PKD1: variants seen among roughly 807,000 people sequenced by gnomAD.
PKD1 encodes polycystin 1, transient receptor potential channel interacting.
A neutral mutation model predicts 361.7 loss-of-function variants in PKD1; 81 were observed. The ratio of observed to expected loss-of-function variants is 0.22; its 90% CI spans 0.19 to 0.27. The LOEUF (loss-of-function observed/expected upper bound fraction) is 0.27, where lower values mean the gene tolerates loss of function less well. Ranked by LOEUF, PKD1 falls within the 10% of genes least tolerant of loss-of-function variation. The pLI is 1.00. For synonymous variants in PKD1, 3,615 were observed against 2,818.3 expected (o/e 1.28, Z -8.95); for missense variants, 6,399 against 6,118.3 (o/e 1.05, Z -1.53).
rs2092940602 is a variant in PKD1 at position 2,135,545 on chromosome 16, C to T, written c.145G>A (p.Val49Ile). Reference protein sequence around the residue: ...CGPAPGAACRVNCSGRGLRTL... With the variant: ...CGPAPGAACRINCSGRGLRTL... ...CGCAGCCCGCGGCCCGAGCAGTTGA[C>T]GCGGCAGGCGGCGCCGGGCGCTGGG... Residue 49 changes from valine (V) to isoleucine (I), a missense_variant, in exon 1 of 46, where the codon GTC (valine) becomes ATC (isoleucine). Coordinates refer to ENST00000262304, the MANE Select transcript of PKD1 (RefSeq NM_001009944.3). 19 of 1,143,844 alleles carry T rather than the reference C, an allele frequency of 1.7e-5. No homozygotes were observed. The highest frequency in any genetic ancestry group is 2.0e-5 in the Non-Finnish European group (19 of 931,856). The allele number at this position is 1,143,844 out of a possible 1,614,324, so 70.9% of individuals were successfully genotyped here.
At position 2,104,510 on chromosome 16, in the gene PKD1, G is replaced by A. The variant is rs1425390330; in HGVS notation, c.8149C>T (p.Leu2717Phe). 1 of 1,542,300 alleles carries A rather than the reference G, an allele frequency of 6.5e-7. No homozygotes were observed. Among genetic ancestry groups the A allele is most frequent in the South Asian group, 1.2e-5 (1 of 85,008 alleles). ...VTPTAIGDSILNITGDLIHLA... is the reference protein window; with the variant it reads ...VTPTAIGDSIFNITGDLIHLA... Reference sequence around the variant, plus strand: ...CGGGCCGCGGCACCTGTGATGTTGAGGATGCTGTCTCCGATGGCGGTGGGC... The same window carrying A: ...CGGGCCGCGGCACCTGTGATGTTGAAGATGCTGTCTCCGATGGCGGTGGGC... The change falls in exon 22 of 46, where the codon CTC becomes TTC. Residue 2717 changes from leucine (L) to phenylalanine (F), a missense_variant. Leu to Phe is a conservative substitution (Grantham distance 22). Transcript: ENST00000262304.
At position 2,109,201 on chromosome 16, in the gene PKD1, T is replaced by A; in HGVS notation, c.5966A>T (p.Glu1989Val). Residue 1989 changes from glutamate (E) to valine (V), a missense_variant, in exon 15 of 46, where the codon GAG becomes GTG. Glu to Val is a moderately radical substitution (Grantham distance 121). Transcript: ENST00000262304. ...CCEPGIATGT[E>V]RNFTARVQRG... Reference sequence around the variant, plus strand: ...CTGCACGCGGGCTGTGAAGTTCCTCTCAGTGCCCGTGGCGATGCCAGGCTC... The same window carrying A: ...CTGCACGCGGGCTGTGAAGTTCCTCACAGTGCCCGTGGCGATGCCAGGCTC... The A allele has an allele frequency of 6.3e-7, 1 of 1,596,516 alleles. No individual in the cohort carries two copies. The highest frequency in any genetic ancestry group is 8.5e-7 in the Non-Finnish European group (1 of 1,170,456).
In PKD1 at chr16:2,116,932, C is replaced by T. The variant is rs1280277110; in HGVS notation, c.1507G>A (p.Ala503Thr). 2.0e-5 allele frequency: 30 copies of T among 1,515,562 alleles called. No individual in the cohort carries two copies. The highest frequency in any genetic ancestry group is 2.6e-5 in the Non-Finnish European group (29 of 1,125,572). 93.9% of individuals were successfully genotyped at this position (1,515,562 alleles called of 1,614,324 possible). Residue 503 changes from alanine to threonine, a missense_variant, in exon 7 of 46, where the codon GCC (alanine) becomes ACC (threonine). By Grantham distance (58) the Ala-to-Thr change is moderately conservative (BLOSUM62 0). Coordinates refer to ENST00000262304, the MANE Select transcript of PKD1 (RefSeq NM_001009944.3). Reference sequence around the variant, plus strand: ...AGCCGGACGCAGTGCTCGGCTGTGGCTGGGTGTGGCTCCCCGGGCAGCCAG... The same window carrying T: ...AGCCGGACGCAGTGCTCGGCTGTGGTTGGGTGTGGCTCCCCGGGCAGCCAG... ...QNWLPGEPHP[A>T]TAEHCVRLGP...
In PKD1 at chr16:2,112,919, G is replaced by A. The variant is rs373237487; in HGVS notation, c.3030C>T (p.Asn1010=). The change falls in exon 13 of 46, where the codon AAC becomes AAT. Residue 1010 remains asparagine, a synonymous_variant. Transcript: ENST00000262304. The stretch of plus-strand genomic sequence containing the variant: ...TCCTGTTCATCCGCTCCACGGTTAC[G>A]TTGTAGTTCACGGTGACGTTGCTCA... ...NHVSNVTVNY[N]VTVERMNRMQ... is the part of the protein sequence containing the mutation. 1.4e-5 allele frequency: 23 copies of A among 1,605,386 alleles called. No homozygotes were observed. Among genetic ancestry groups the A allele is most frequent in the Admixed American group, 5.0e-5 (3 of 59,994 alleles).
At chr16:2,127,184 G>T in intron 1 of PKD1, among the ~76,000 whole-genome samples, 1 of 152,220 alleles carries the variant, frequency 6.6e-6, no homozygotes, top group Admixed American at 6.5e-5. Context: ...AATGCAGCGG[G>T]GTCCGCACAT....
rs767826564 is a variant in PKD1 at position 2,090,793 on chromosome 16, G to T, written c.12019C>A (p.Arg4007Ser). The change falls in exon 44 of 46, where the codon CGC becomes AGC. Residue 4007 changes from arginine to serine, a missense_variant. Transcript: ENST00000262304. ...AAGACGGACCACTGGCGCACGAAGCGTAGCTGCTGGGCAGCCTGCGGACGA... is the reference window on the plus strand; with the variant it reads ...AAGACGGACCACTGGCGCACGAAGCTTAGCTGCTGGGCAGCCTGCGGACGA... ...LLLVKAAQQLRFVRQWSVFGK... is the reference protein window; with the variant it reads ...LLLVKAAQQLSFVRQWSVFGK... The T allele has an allele frequency of 1.2e-6, 2 of 1,612,534 alleles. No homozygotes were observed. Among genetic ancestry groups the T allele is most frequent in the African/African-American group, 2.7e-5 (2 of 75,058 alleles).
intron 16 of PKD1, 177 bp downstream of exon 16, chr16:2,107,706 G>A (rs2092392367): frequency 1.2e-5 from 8 of 672,614 alleles, no homozygotes; most frequent in Non-Finnish European, 1.9e-5. Context: ...ACGTGGAACT[G>A]TGGCAGGTTT....
At chr16:2,113,653 C>G (rs953239359) in intron 11 of PKD1, 132 of 408,906 alleles carry the variant, frequency 3.2e-4, no homozygotes, top group Middle Eastern at 2.2e-3. Flanking sequence ...GGGGAGGCAC[C>G]TACACTGGCT....
rs147910505 is a variant in PKD1, at chr16:2,112,809, G to A, written c.3140C>T (p.Ser1047Leu). The change falls in exon 13 of 46, where the codon TCG becomes TTG. Residue 1047 changes from serine (S) to leucine (L), a missense_variant. By Grantham distance (145) the Ser-to-Leu change is moderately radical. Transcript: ENST00000262304. ...TCACAGGAAGGCCACCTCCACGGCC[G>A]AGTCCACCAGCACGCCCGCCGTCAG... ...LALTAGVLVD[S>L]AVEVAFLWTF... is the part of the protein sequence containing the mutation. The A allele has an allele frequency of 1.6e-4, 250 of 1,598,584 alleles. 1 individual carries two copies. The African/African-American group carries it at 2.7e-3, about 17-fold the overall frequency.
chr16:2,089,765 G>A lies in PKD1; in HGVS notation c.12874C>T (p.Leu4292Phe), dbSNP rs762794208. ...GGGTGGACCTTGTTCTTGGCCCGAAGGGGTGTCCTGCTGGGGCCAGTGGCC... is the reference window on the plus strand; with the variant it reads ...GGGTGGACCTTGTTCTTGGCCCGAAAGGGTGTCCTGCTGGGGCCAGTGGCC... ...DLATGPSRTPLRAKNKVHPSS... is the reference protein window; with the variant it reads ...DLATGPSRTPFRAKNKVHPSS... The change falls in exon 46 of 46, where the codon CTT (leucine) becomes TTT (phenylalanine). Residue 4292 changes from leucine (L) to phenylalanine (F), a missense_variant. Physicochemically the swap from Leu to Phe is conservative, Grantham distance 22. Transcript: ENST00000262304. 5.5e-5 allele frequency: 87 copies of A among 1,595,568 alleles called. No homozygotes were observed. The highest frequency in any genetic ancestry group is 2.8e-4 in the South Asian group (25 of 88,526).
At position 2,103,352 on chromosome 16, in the gene PKD1, T is replaced by C. The variant is rs1400163523; in HGVS notation, c.8705A>G (p.Gln2902Arg). ...GGTGACCACAGCACCGACGGAGGCC[T>C]GGGGCTGGACCACAACGGAGTTGGC... ...NSANSVVVQP[Q>R]ASVGAVVTLD... is the part of the protein sequence containing the mutation. The change falls in exon 23 of 46, where the codon CAG becomes CGG. Residue 2902 changes from glutamine (Q) to arginine (R), a missense_variant. Coordinates refer to ENST00000262304, the MANE Select transcript of PKD1 (RefSeq NM_001009944.3). 1.2e-6 allele frequency: 2 copies of C among 1,605,042 alleles called. No homozygotes were observed. The highest frequency in any genetic ancestry group is 1.7e-6 in the Non-Finnish European group (2 of 1,179,606).
intron 11 of PKD1, 65 bp downstream of exon 11, chr16:2,114,105 T>G (rs1218150958): frequency 7.3e-7 from 1 of 1,364,062 alleles, no homozygotes; most frequent in Non-Finnish European, 1.0e-6. Context: ...CCTCACGCCC[T>G]GTGTGAGCAC....
Position 2,102,662 on chromosome 16 carries a change from G to T in PKD1, c.8949-29C>A, listed in dbSNP as rs779515635. 12 of 1,610,694 alleles carry T rather than the reference G, an allele frequency of 7.5e-6. No homozygotes were observed. In the South Asian group the frequency reaches 1.2e-4, roughly 16 times the overall value. ...GGCAGGGAAGGGGTAGCGGACGTGA[G>T]CCCAGGCTCCGCCAGGTTGGATGTC... On this transcript the variant is annotated intron_variant, in intron 24 of 45. Coordinates refer to ENST00000262304, the MANE Select transcript of PKD1 (RefSeq NM_001009944.3).
chr16:2,104,747 C>T, intron 21 of PKD1, 105 bp from the exon 22 acceptor site: 2 of 766,836 alleles, frequency 2.6e-6, no homozygotes, highest in Non-Finnish European at 4.4e-6. Context: ...AGCCCTGCAG[C>T]TGGAGAGCCC....
rs757855617 is a variant in PKD1, at chr16:2,109,140, C to T, written c.6027G>A (p.Ser2009=). 12 of 1,602,258 alleles carry T rather than the reference C, an allele frequency of 7.5e-6. No individual in the cohort carries two copies. The highest frequency in any genetic ancestry group is 1.9e-4 in the Middle Eastern group (1 of 5,402). ...GSRVAYAWYF[S]LQKVQGDSLV... The stretch of plus-strand genomic sequence containing the variant: ...GCGAGTCGCCCTGGACCTTCTGCAG[C>T]GAGAAGTACCAGGCGTAGGCGACCC... Residue 2009 remains serine (S), a synonymous_variant, in exon 15 of 46, where the codon TCG becomes TCA. Coordinates refer to ENST00000262304, the MANE Select transcript of PKD1 (RefSeq NM_001009944.3).
At position 2,110,262 on chromosome 16, in the gene PKD1, C is replaced by T. The variant is rs748967532; in HGVS notation, c.4905G>A (p.Leu1635=). Residue 1635 remains leucine (L), a synonymous_variant, in exon 15 of 46, where the codon CTG becomes CTA. Transcript: ENST00000262304. The part of the protein sequence containing the change: ...FVYVLQLIEG[L]QVVGGGRYFP... ...AGTAGCGGCCACCGCCCACCACCTG[C>T]AGCCCCTCTATGAGCTGCAGGACAT... is the stretch of plus-strand genomic sequence containing the variant. The T allele has an allele frequency of 4.8e-5, 77 of 1,612,374 alleles. No homozygotes were observed. In the East Asian group the frequency reaches 8.5e-4, roughly 18 times the overall value.
chr16:2,126,436 C>A (rs2092800903), intron 1 of PKD1, among the ~76,000 whole-genome samples: 1 of 152,272 alleles, frequency 6.6e-6, no homozygotes. Context: ...AAGGACCCAG[C>A]CCGCCTCAGC....
Position 2,089,603 on chromosome 16 carries a change from T to G in PKD1, c.*124A>C, listed in dbSNP as rs547199668. 1.6e-6 allele frequency: 2 copies of G among 1,222,124 alleles called. No homozygotes were observed. Among genetic ancestry groups the G allele is most frequent in the East Asian group, 2.6e-5 (1 of 38,818 alleles). The allele number at this position is 1,222,124 out of a possible 1,614,324, so 75.7% of individuals were successfully genotyped here. A position where few individuals can be genotyped will look rare whatever the true frequency, so the allele number is the denominator to read the frequency against. ...AAGCCCACAGACAGACAGATGCCCC[T>G]GCCTGCTCTCTGGGGAACCTACGTG... On this transcript the variant is annotated 3_prime_UTR_variant, in exon 46 of 46. Coordinates refer to ENST00000262304, the MANE Select transcript of PKD1 (RefSeq NM_001009944.3).
chr16:2,097,049 C>A, intron 34 of PKD1, 99 bp downstream of exon 34: 2 of 723,318 alleles, frequency 2.8e-6, no homozygotes, highest in South Asian at 1.5e-5. Flanking sequence ...TGCCCTGGCA[C>A]CCCACCCCAC....
Sources: gnomAD v4.1 joint callset for allele counts (sites outside exome capture counted in the v4.1 genomes callset) on GRCh38, gnomAD v4.1.1 for gene constraint, MANE v1.5 for transcripts, NCBI Gene and HGNC (gene_info 2026-07-23, HGNC 2026-07-21) for gene names.